PRUNE2: variants seen among roughly 807,000 people sequenced by gnomAD.
The protein encoded by PRUNE2 is prune homolog 2 with BCH domain.
In PRUNE2, 164 loss-of-function variants were observed where a neutral mutation model predicts 252.0. The ratio of observed to expected loss-of-function variants is 0.65; its 90% CI spans 0.57 to 0.74. PRUNE2 has a LOEUF of 0.74. Ranked by LOEUF, PRUNE2 falls within the 30% of genes least tolerant of loss-of-function variation. PRUNE2 has a pLI of 0.00. For missense variants in PRUNE2, 3,495 were observed against 3,711.0 expected (o/e 0.94, Z 1.51); for synonymous variants, 1,292 against 1,350.2 (o/e 0.96, Z 0.94).
In PRUNE2 at chr9:76,705,518, T is replaced by C. The variant is rs779811505; in HGVS notation, c.6756A>G (p.Ser2252=). The C allele has an allele frequency of 5.0e-6, 8 of 1,614,024 alleles. No individual in the cohort carries two copies. The highest frequency in any genetic ancestry group is 6.8e-6 in the Non-Finnish European group (8 of 1,179,892). ...GCTGACTTTCAGGAGAAAAGCTGTC[T>C]GATATCCAAGAACCGTCACCTTCTG... The part of the protein sequence containing the change: ...PTPEGDGSWI[S]DSFSPESQPG... The change falls in exon 8 of 19, where the codon TCA becomes TCG. Residue 2252 remains serine, a synonymous_variant. Transcript: ENST00000376718.
intron 7 of PRUNE2, among the ~76,000 whole-genome samples, chr9:76,712,609 G>T (rs2046823438): frequency 6.6e-6 from 1 of 152,214 alleles, no homozygotes; most frequent in Non-Finnish European, 1.5e-5. Context: ...TGAAAAAGGG[G>T]TCTACTGCTA....
chr9:76,729,316 A>G (rs2048371391), intron 6 of PRUNE2, among the ~76,000 whole-genome samples: 1 of 152,170 alleles, frequency 6.6e-6, no homozygotes. Context: ...CTGATTCAGT[A>G]GGTCTGGGGC....
At chr9:76,874,657 A>T (rs186836727) in intron 1 of PRUNE2, among the ~76,000 whole-genome samples, 1 of 152,248 alleles carries the variant, frequency 6.6e-6, no homozygotes, top group African/African-American at 2.4e-5. Context: ...ATTAACATTT[A>T]AAGGAACCAG....
At chr9:76,777,114 G>C (rs868150675) in intron 6 of PRUNE2, among the ~76,000 whole-genome samples, 6 of 152,012 alleles carry the variant, frequency 3.9e-5, no homozygotes, top group Non-Finnish European at 8.8e-5. Context: ...ATATTGCTGA[G>C]AGATGATGTT....
chr9:76,800,740 T>C (rs2056496545), intron 6 of PRUNE2, among the ~76,000 whole-genome samples: 1 of 152,166 alleles, frequency 6.6e-6, no homozygotes. Context: ...TTCACCTGGA[T>C]GGATAGAGAA....
At chr9:76,794,879 A>G (rs1008074435) in intron 6 of PRUNE2, among the ~76,000 whole-genome samples, 1 of 152,206 alleles carries the variant, frequency 6.6e-6, no homozygotes, top group Admixed American at 6.5e-5. Flanking sequence ...TGTCCAGAAC[A>G]TACTCAGAAT....
intron 18 of PRUNE2, among the ~76,000 whole-genome samples, chr9:76,617,001 A>T (rs1057423788): frequency 2.0e-5 from 3 of 146,550 alleles, no homozygotes; most frequent in Non-Finnish European, 4.4e-5. Flanking sequence ...AATAAATAAA[A>T]GTATCCTTTT....
At position 76,619,406 on chromosome 9, in the gene PRUNE2, T is replaced by C; in HGVS notation, c.9189-19A>G. The C allele has an allele frequency of 2.5e-6, 4 of 1,584,870 alleles. No homozygotes were observed. Among genetic ancestry groups the C allele is most frequent in the East Asian group, 2.2e-5 (1 of 44,494 alleles). ...GCTAGTTCTGAGTGCAAGGAAAAAA[T>C]AGGAAGCAGTCAACATTTCCCCACT... On this transcript the variant is annotated intron_variant, in intron 17 of 18. Transcript: ENST00000376718.
At chr9:76,864,786 G>A (rs145871885) in intron 1 of PRUNE2, among the ~76,000 whole-genome samples, 20 of 152,334 alleles carry the variant, frequency 1.3e-4, no homozygotes, top group Non-Finnish European at 2.6e-4. Flanking sequence ...AGTCTCATTA[G>A]TAGTCATGGA....
At chr9:76,647,072 C>T (rs1216269010) in intron 11 of PRUNE2, among the ~76,000 whole-genome samples, 2 of 152,042 alleles carry the variant, frequency 1.3e-5, no homozygotes, top group East Asian at 3.9e-4. Context: ...GCCTGTAGTC[C>T]CAGCTACTTG....
chr9:76,771,989 C>T (rs1489692138), intron 6 of PRUNE2, among the ~76,000 whole-genome samples: 4 of 152,202 alleles, frequency 2.6e-5, no homozygotes, highest in African/African-American at 9.7e-5. Flanking sequence ...CAAATCTGCA[C>T]TACAGCAAAT....
At chr9:76,644,106 C>G (rs1323834569) in intron 12 of PRUNE2, among the ~76,000 whole-genome samples, 1 of 152,104 alleles carries the variant, frequency 6.6e-6, no homozygotes, top group African/African-American at 2.4e-5. Context: ...TTAATCAAGG[C>G]CACATATGCT....
chr9:76,768,431 G>C (rs991768204), intron 6 of PRUNE2, among the ~76,000 whole-genome samples: 1 of 152,046 alleles, frequency 6.6e-6, no homozygotes. Flanking sequence ...GACCTCAAGT[G>C]ATCCTCCTGC....
intron 1 of PRUNE2, among the ~76,000 whole-genome samples, chr9:76,888,641 G>A (rs1365667313): frequency 6.6e-6 from 1 of 151,284 alleles, no homozygotes; most frequent in Middle Eastern, 3.2e-3. Flanking sequence ...AGACCAAAAG[G>A]TGTTGAGGGG....
At chr9:76,750,717 A>G (rs1479814265) in intron 6 of PRUNE2, among the ~76,000 whole-genome samples, 2 of 152,224 alleles carry the variant, frequency 1.3e-5, no homozygotes, top group Non-Finnish European at 2.9e-5. Flanking sequence ...AGGCAGTCGC[A>G]GTGGGAGCAG....
chr9:76,659,850 A>C (rs1179887429), intron 9 of PRUNE2, among the ~76,000 whole-genome samples: 1 of 151,350 alleles, frequency 6.6e-6, no homozygotes, highest in Non-Finnish European at 1.5e-5. Flanking sequence ...TTTAAGTTAC[A>C]TAAAATAAAT....
intron 1 of PRUNE2, among the ~76,000 whole-genome samples, chr9:76,890,655 T>C (rs1253508646): frequency 6.6e-6 from 1 of 152,136 alleles, no homozygotes; most frequent in Non-Finnish European, 1.5e-5. Context: ...CAAGGAAATA[T>C]CATCCCAAGT....
intron 3 of PRUNE2, among the ~76,000 whole-genome samples, chr9:76,849,588 G>A (rs528253457): frequency 6.6e-6 from 1 of 152,278 alleles, no homozygotes; most frequent in Admixed American, 6.5e-5. Context: ...CACTTTGGGA[G>A]GCTGAGGTGG....
At chr9:76,875,160 C>T (rs1180181405) in intron 1 of PRUNE2, among the ~76,000 whole-genome samples, 2 of 152,094 alleles carry the variant, frequency 1.3e-5, no homozygotes, top group African/African-American at 4.8e-5. Flanking sequence ...ACGTCCCTTC[C>T]CCATTGTCTG....
Sources: allele counts gnomAD v4.1 joint callset (sites outside exome capture counted in the v4.1 genomes callset), GRCh38; gene constraint gnomAD v4.1.1; transcripts MANE v1.5; gene names NCBI Gene and HGNC (gene_info 2026-07-23, HGNC 2026-07-21).